The following PDE7B variants were observed in gnomAD, a reference collection of about 807,000 sequenced individuals.
PDE7B encodes the protein phosphodiesterase 7B, also known as 3',5'-cyclic-AMP phosphodiesterase 7B.
In PDE7B, 29 loss-of-function variants were observed where a neutral mutation model predicts 56.2. That is an observed-to-expected ratio of 0.52 (90% CI 0.38 to 0.70). The LOEUF (loss-of-function observed/expected upper bound fraction) is 0.70. PDE7B is among the 30% of genes least tolerant of loss of function. The probability of loss-of-function intolerance (pLI) is 0.00; values close to 1 mark genes in which losing one functional copy is unlikely to be tolerated. For missense variants in PDE7B, 490 were observed against 565.0 expected (o/e 0.87, Z 1.35); for synonymous variants, 197 against 196.9 (o/e 1.00, Z 0.00).
chr6:136,169,433 A>G (rs1230736164), intron 8 of PDE7B, among the ~76,000 whole-genome samples: 1 of 152,172 alleles, frequency 6.6e-6, no homozygotes, highest in Admixed American at 6.6e-5. Flanking sequence ...ATACAGTTTC[A>G]CCAGCAAATT....
At chr6:136,188,437 C>G (rs1779174620) in intron 12 of PDE7B, among the ~76,000 whole-genome samples, 1 of 152,122 alleles carries the variant, frequency 6.6e-6, no homozygotes, top group African/African-American at 2.4e-5. Context: ...AGAAATGCAG[C>G]CTCAGCCTCC....
At position 136,006,491 on chromosome 6, in the gene PDE7B, A is replaced by G. The variant is rs534938017; in HGVS notation, c.82+58967A>G. On this transcript the variant is annotated intron_variant, in intron 2 of 12. Coordinates refer to ENST00000308191, the MANE Select transcript of PDE7B (RefSeq NM_018945.4). The stretch of plus-strand genomic sequence containing the variant: ...GATAGAAATAATATTGAATTTGTAA[A>G]TTTCTTTGGGAAGCATGGCCATTTC... 2.6e-4 allele frequency among the ~76,000 whole-genome samples: 40 copies of G among 152,188 alleles called. 1 individual carries two copies. The highest frequency in any genetic ancestry group is 8.5e-4 in the Admixed American group (13 of 15,278).
intron 2 of PDE7B, among the ~76,000 whole-genome samples, chr6:136,031,752 A>G (rs1776251248): frequency 6.6e-6 from 1 of 151,680 alleles, no homozygotes; most frequent in African/African-American, 2.4e-5. Flanking sequence ...AAAAAAAAAA[A>G]AAAAAGAAGG....
intron 1 of PDE7B, among the ~76,000 whole-genome samples, chr6:135,901,952 C>A (rs1776008739): frequency 6.6e-6 from 1 of 152,100 alleles, no homozygotes; most frequent in South Asian, 2.1e-4. Flanking sequence ...TGGGAGTGTT[C>A]CTGAATCTCT....
chr6:135,861,051 AT>A (rs2128184577), intron 1 of PDE7B, among the ~76,000 whole-genome samples: 1 of 152,052 alleles, frequency 6.6e-6, no homozygotes, highest in South Asian at 2.1e-4. Context: ...GTTGTTGCCT[AT>A]CATTGTATTT....
At chr6:136,109,556 T>C (rs1777709364) in intron 3 of PDE7B, among the ~76,000 whole-genome samples, 1 of 152,216 alleles carries the variant, frequency 6.6e-6, no homozygotes, top group Admixed American at 6.5e-5. Flanking sequence ...CCTTGAGGTC[T>C]ATTCTTGCCT....
intron 3 of PDE7B, among the ~76,000 whole-genome samples, chr6:136,118,321 C>T (rs769887435): frequency 6.6e-6 from 1 of 152,130 alleles, no homozygotes; most frequent in Non-Finnish European, 1.5e-5. Context: ...ATTGTAACTG[C>T]GAAGTCATTG....
intron 2 of PDE7B, chr6:136,037,802 A>C (rs1235514358): frequency 3.0e-6 from 3 of 985,360 alleles, no homozygotes; most frequent in Non-Finnish European, 3.6e-6. Context: ...AAGAGTCAAC[A>C]AACTTTGACA....
intron 2 of PDE7B, among the ~76,000 whole-genome samples, chr6:136,073,877 G>A (rs554841730): frequency 1.3e-5 from 2 of 152,294 alleles, no homozygotes; most frequent in Admixed American, 6.5e-5. Flanking sequence ...TGTTGTGAAA[G>A]TACAATGCGC....
chr6:136,164,543 G>A (rs9494459), intron 8 of PDE7B, among the ~76,000 whole-genome samples: 11,448 of 152,164 alleles, frequency 0.075, 1,337 homozygotes, highest in African/African-American at 0.25. Flanking sequence ...TTATTCTTGA[G>A]CATAATTATT....
intron 3 of PDE7B, among the ~76,000 whole-genome samples, chr6:136,128,174 T>C (rs1047610020): frequency 2.0e-5 from 3 of 152,170 alleles, no homozygotes; most frequent in East Asian, 1.9e-4. Context: ...TTTCCACTCA[T>C]TGGGAAAGCT....
chr6:136,194,439 T>C lies in PDE7B; in HGVS notation c.*2599T>C, dbSNP rs1779280765. 6.6e-6 allele frequency: 1 copy of C among 152,198 alleles called. No homozygotes were observed. Among genetic ancestry groups the C allele is most frequent in the Admixed American group, 6.5e-5 (1 of 15,274 alleles). The allele number at this position is 152,198 out of a possible 1,614,324, so 9.4% of individuals were successfully genotyped here. On this transcript the variant is annotated 3_prime_UTR_variant, in exon 13 of 13. Transcript: ENST00000308191. Reference sequence around the variant, plus strand: ...CCACTAGTACAATAAAAATCTGAAGTAAAATGAGGCATAAACTTGATGCAG... The same window carrying C: ...CCACTAGTACAATAAAAATCTGAAGCAAAATGAGGCATAAACTTGATGCAG...
At chr6:135,971,268 A>G (rs1296267856) in intron 2 of PDE7B, among the ~76,000 whole-genome samples, 1 of 152,190 alleles carries the variant, frequency 6.6e-6, no homozygotes, top group African/African-American at 2.4e-5. Flanking sequence ...GAAAGGCCTG[A>G]AACAGATGCT....
At chr6:136,163,509 T>C (rs1192010699) in intron 8 of PDE7B, among the ~76,000 whole-genome samples, 2 of 152,344 alleles carry the variant, frequency 1.3e-5, no homozygotes, top group Admixed American at 6.5e-5. Context: ...CGGGCTGCCA[T>C]GGAGGTCTTA....
At chr6:136,112,300 G>C (rs1292190569) in intron 3 of PDE7B, among the ~76,000 whole-genome samples, 2 of 152,122 alleles carry the variant, frequency 1.3e-5, no homozygotes, top group East Asian at 3.9e-4. Context: ...AACAGAAGTG[G>C]ACAAATGACT....
intron 1 of PDE7B, among the ~76,000 whole-genome samples, chr6:135,928,867 A>C (rs960826381): frequency 1.3e-5 from 2 of 152,052 alleles, no homozygotes; most frequent in African/African-American, 4.8e-5. Context: ...TACTATGCTC[A>C]CTACCTGGGT....
chr6:135,942,051 CTG>C (rs1212133322), intron 1 of PDE7B, among the ~76,000 whole-genome samples: 4 of 152,292 alleles, frequency 2.6e-5, no homozygotes, highest in Middle Eastern at 3.4e-3. Context: ...GAGCTTTTCA[CTG>C]TTTTTAATAA....
chr6:136,002,020 G>A (rs1583821179), intron 2 of PDE7B, among the ~76,000 whole-genome samples: 1 of 152,290 alleles, frequency 6.6e-6, no homozygotes, highest in East Asian at 1.9e-4. Flanking sequence ...AACTCTATAA[G>A]CCAGAAGAGA....
chr6:135,948,843 CTAGATAGA>C (rs35143164), intron 2 of PDE7B, among the ~76,000 whole-genome samples: 49,772 of 131,840 alleles, frequency 0.38, 9,596 homozygotes, highest in South Asian at 0.42. Flanking sequence ...ATTTCAGGTA[CTAGATAGA>C]TAGATAGATA....
Sources: gnomAD v4.1 joint callset for allele counts (sites outside exome capture counted in the v4.1 genomes callset) on GRCh38, gnomAD v4.1.1 for gene constraint, MANE v1.5 for transcripts, NCBI Gene and HGNC (gene_info 2026-07-23, HGNC 2026-07-21) for gene names.